GLIS3: variants seen among roughly 807,000 people sequenced by gnomAD.
GLIS3 encodes the protein zinc finger protein GLIS3.
A neutral mutation model predicts 78.6 loss-of-function variants in GLIS3; 53 were observed. The observed-to-expected ratio is 0.67, with a 90% CI of 0.54 to 0.85. The LOEUF is 0.85. Among genes scored for constraint, GLIS3 ranks in the 40% least tolerant of loss-of-function variants. GLIS3 has a pLI of 0.00. For missense variants in GLIS3, 1,703 were observed against 1,231.1 expected (o/e 1.38, Z -5.74); for synonymous variants, 684 against 509.9 (o/e 1.34, Z -4.60).
At chr9:4,155,650 G>A (rs147717713) in intron 2 of GLIS3, among the ~76,000 whole-genome samples, 1,575 of 152,290 alleles carry the variant, frequency 0.01, 24 homozygotes, top group Non-Finnish European at 0.012. Flanking sequence ...GCCAGGTACA[G>A]TGTCTACTTC....
At chr9:4,408,296 G>C in the GLIS3 span, among the ~76,000 whole-genome samples, 1 of 152,030 alleles carries the variant, frequency 6.6e-6, no homozygotes, top group Non-Finnish European at 1.5e-5. Flanking sequence ...TCAGTATATC[G>C]AGGAGCTATC....
intron 2 of GLIS3, among the ~76,000 whole-genome samples, chr9:4,204,966 T>A (rs967038216): frequency 4.0e-5 from 6 of 150,408 alleles, no homozygotes; most frequent in Admixed American, 2.0e-4. Flanking sequence ...TCACCTCAGG[T>A]CAAGAGTTTC....
the GLIS3 span, among the ~76,000 whole-genome samples, chr9:4,369,123 A>G: frequency 6.6e-6 from 1 of 152,158 alleles, no homozygotes; most frequent in East Asian, 1.9e-4. Context: ...AATCAGCTTC[A>G]CCTTGGAATT....
At chr9:4,451,289 G>C in the GLIS3 span, among the ~76,000 whole-genome samples, 17 of 152,180 alleles carry the variant, frequency 1.1e-4, no homozygotes, top group African/African-American at 4.1e-4. Flanking sequence ...AATTCAATAA[G>C]AAGAGCTAAC....
At chr9:4,076,440 C>G (rs1483043743) in intron 4 of GLIS3, among the ~76,000 whole-genome samples, 3 of 152,232 alleles carry the variant, frequency 2.0e-5, no homozygotes, top group East Asian at 1.9e-4. Context: ...GCTCCCATAC[C>G]TAAAGTTTTG....
chr9:4,321,317 G>A (rs1374792434), intron 2 of GLIS3, among the ~76,000 whole-genome samples: 10 of 131,190 alleles, frequency 7.6e-5, no homozygotes, highest in Non-Finnish European at 3.0e-5. Context: ...AGCTACTCGG[G>A]AGGCTGAGGC....
intron 4 of GLIS3, among the ~76,000 whole-genome samples, chr9:3,986,245 A>C (rs186659606): frequency 6.6e-6 from 1 of 152,306 alleles, no homozygotes; most frequent in Admixed American, 6.5e-5. Context: ...AGAAGATGTA[A>C]ATGTGTTCAC....
At chr9:3,987,421 G>A (rs917756214) in intron 4 of GLIS3, among the ~76,000 whole-genome samples, 1 of 152,042 alleles carries the variant, frequency 6.6e-6, no homozygotes, top group Non-Finnish European at 1.5e-5. Flanking sequence ...GAAATAATGG[G>A]CTGGGTGCAG....
rs1376961313 is a variant in GLIS3, at chr9:3,847,049, T to C, written c.2473+8960A>G. ...AAATATAAAAATTAGCCAGGTGCAG[T>C]GGCAAGCGCCTGTAATCTCAGGTAC... On this transcript the variant is annotated intron_variant, in intron 9 of 10. Transcript: ENST00000381971. 2.0e-5 allele frequency among the ~76,000 whole-genome samples: 3 copies of C among 152,044 alleles called. No individual in the cohort carries two copies. The South Asian group carries it at 6.2e-4, about 32-fold the overall frequency.
the GLIS3 span, among the ~76,000 whole-genome samples, chr9:4,413,612 T>C: frequency 5.9e-5 from 9 of 152,052 alleles, no homozygotes; most frequent in East Asian, 1.5e-3. Context: ...CATGAAAAGT[T>C]CTGTAAAGGG....
intron 2 of GLIS3, among the ~76,000 whole-genome samples, chr9:4,233,707 G>C (rs947146639): frequency 2.0e-5 from 3 of 152,188 alleles, no homozygotes; most frequent in African/African-American, 4.8e-5. Flanking sequence ...CCTAACAAGG[G>C]AGCCAGCCTG....
chr9:3,892,100 G>A (rs958114884), intron 7 of GLIS3, among the ~76,000 whole-genome samples: 4 of 152,142 alleles, frequency 2.6e-5, no homozygotes, highest in Non-Finnish European at 5.9e-5. Flanking sequence ...AGAAACGCCA[G>A]GGTAAGACTC....
At chr9:4,063,159 G>T (rs1299616079) in intron 4 of GLIS3, among the ~76,000 whole-genome samples, 2 of 151,974 alleles carry the variant, frequency 1.3e-5, no homozygotes, top group Non-Finnish European at 2.9e-5. Flanking sequence ...CTAGGGATTT[G>T]ATTTGCACAT....
intron 2 of GLIS3, among the ~76,000 whole-genome samples, chr9:4,323,465 G>A (rs1482723541): frequency 6.6e-6 from 1 of 152,006 alleles, no homozygotes; most frequent in Non-Finnish European, 1.5e-5. Flanking sequence ...TGTGTAGCAG[G>A]GATTCATTCA....
chr9:4,152,909 T>C (rs907073180), intron 2 of GLIS3, among the ~76,000 whole-genome samples: 2 of 152,232 alleles, frequency 1.3e-5, no homozygotes, highest in Non-Finnish European at 2.9e-5. Flanking sequence ...CAACATATAA[T>C]AAGTATGTTC....
the GLIS3 span, among the ~76,000 whole-genome samples, chr9:4,481,126 G>A: frequency 6.6e-6 from 1 of 152,076 alleles, no homozygotes; most frequent in Admixed American, 6.5e-5. Context: ...AAAGTGCTGG[G>A]ATTACAGGCA....
chr9:4,191,231 A>C (rs1161564423), intron 2 of GLIS3, among the ~76,000 whole-genome samples: 1 of 151,916 alleles, frequency 6.6e-6, no homozygotes, highest in Non-Finnish European at 1.5e-5. Flanking sequence ...TAAAAGACAC[A>C]GACTGGCAAA....
At chr9:4,333,776 C>A (rs1427358719) in intron 2 of GLIS3, among the ~76,000 whole-genome samples, 1 of 133,850 alleles carries the variant, frequency 7.5e-6, no homozygotes, top group Non-Finnish European at 1.5e-5. Flanking sequence ...TTTGATTCCC[C>A]TCACTTCCAG....
intron 2 of GLIS3, among the ~76,000 whole-genome samples, chr9:4,190,110 C>CT (rs1415263015): frequency 6.6e-6 from 1 of 152,124 alleles, no homozygotes; most frequent in African/African-American, 2.4e-5. Flanking sequence ...ACTGGAAACT[C>CT]TAAAAAGCAG....
Sources: gnomAD v4.1 joint callset for allele counts (sites outside exome capture counted in the v4.1 genomes callset) on GRCh38, gnomAD v4.1.1 for gene constraint, MANE v1.5 for transcripts, NCBI Gene and HGNC (gene_info 2026-07-23, HGNC 2026-07-21) for gene names.